The following KCTD2 variants were observed in gnomAD, a reference collection of about 807,000 sequenced individuals.
The protein encoded by KCTD2 is BTB/POZ domain-containing protein KCTD2.
Under a neutral mutation model 27.9 loss-of-function variants are expected in KCTD2, and 18 were observed. The observed-to-expected ratio is 0.64, with a 90% CI of 0.45 to 0.96. The LOEUF (loss-of-function observed/expected upper bound fraction) is 0.96, where lower values mean the gene tolerates loss of function less well. Ranked by LOEUF, KCTD2 falls within the 40% of genes least tolerant of loss-of-function variation. KCTD2 has a pLI of 0.00. For synonymous variants in KCTD2, 175 were observed against 148.4 expected (o/e 1.18, Z -1.30); for missense variants, 280 against 348.0 (o/e 0.80, Z 1.56).
chr17:75,062,741 C>T (rs1279663992), intron 5 of KCTD2, among the ~76,000 whole-genome samples: 5 of 149,948 alleles, frequency 3.3e-5, no homozygotes, highest in African/African-American at 1.0e-4. Context: ...CACACACACA[C>T]ACAGCTTCTA....
chr17:75,034,146 A>T (rs1407679015), intron 2 of KCTD2: 1 of 152,220 alleles, frequency 6.6e-6, no homozygotes, highest in Non-Finnish European at 1.5e-5. Flanking sequence ...AAGCCCTTGA[A>T]TGAACAGCTT....
chr17:75,062,192 G>T lies in KCTD2; in HGVS notation c.709G>T (p.Glu237Ter). Residue 237 changes from glutamate to a stop codon, truncating the protein, a stop_gained, in exon 5 of 6, where the codon GAA becomes TAA. Coordinates refer to ENST00000322444, the MANE Select transcript of KCTD2 (RefSeq NM_015353.3). LOFTEE classifies it high-confidence loss of function. ...AGAATTCCTCTGTGTTGTCTCCAGA[G>T]AACTAAATAATTCTACCAATGGCAT... ...QAEFLCVVSR[E>*]LNNSTNGIVI... The T allele has an allele frequency of 6.2e-7, 1 of 1,613,996 alleles. No individual in the cohort carries two copies. Among genetic ancestry groups the T allele is most frequent in the Non-Finnish European group, 8.5e-7 (1 of 1,179,952 alleles).
At chr17:75,053,858 CTTTTTTTTTTTT>C (rs71159419) in intron 3 of KCTD2, among the ~76,000 whole-genome samples, 5 of 59,330 alleles carry the variant, frequency 8.4e-5, no homozygotes, top group East Asian at 9.4e-4. Flanking sequence ...GTGAACCATG[CTTTTTTTTTTTT>C]TTTTTTTTTT....
intron 3 of KCTD2, among the ~76,000 whole-genome samples, chr17:75,035,689 T>C (rs896953761): frequency 6.6e-6 from 1 of 151,934 alleles, no homozygotes; most frequent in Non-Finnish European, 1.5e-5. Flanking sequence ...AGCCGGCCAA[T>C]CGTGGTGGCA....
intron 3 of KCTD2, among the ~76,000 whole-genome samples, chr17:75,058,345 A>T (rs1567993805): frequency 1.3e-5 from 2 of 150,518 alleles, no homozygotes; most frequent in South Asian, 4.2e-4. Context: ...AAGGAAAAAA[A>T]AATAAAAAAT....
chr17:75,041,926 C>T, intron 3 of KCTD2: 1 of 353,454 alleles, frequency 2.8e-6, no homozygotes, highest in Non-Finnish European at 5.1e-6. Flanking sequence ...AGAAACAGAG[C>T]AGGTCAAAAC....
intron 3 of KCTD2, 109 bp downstream of exon 3, chr17:75,053,214 ACAC>A: frequency 1.2e-6 from 1 of 845,152 alleles, no homozygotes; most frequent in Non-Finnish European, 2.0e-6. Flanking sequence ...TGTGTGTGGA[ACAC>A]CGTTTGCAGT....
At chr17:75,058,137 A>G (rs1265585295) in intron 3 of KCTD2, among the ~76,000 whole-genome samples, 2 of 151,764 alleles carry the variant, frequency 1.3e-5, no homozygotes, top group Non-Finnish European at 2.9e-5. Flanking sequence ...CAGCCTGGCC[A>G]ACATGGTGAG....
At chr17:75,049,023 A>G in intron 1 of KCTD2, 197 bp from the exon 2 acceptor site, 1 of 484,772 alleles carries the variant, frequency 2.1e-6, no homozygotes, top group Non-Finnish European at 3.7e-6. Flanking sequence ...TTAATGTACA[A>G]GATACATAAA....
chr17:75,035,089 C>T (rs1409839137), intron 2 of KCTD2: 1 of 152,094 alleles, frequency 6.6e-6, no homozygotes, highest in Non-Finnish European at 1.5e-5. Context: ...AAATTGGCCT[C>T]TCTAGGAGGT....
In KCTD2 at chr17:75,061,969, C is replaced by G. The variant is rs2073407948; in HGVS notation, c.637-151C>G. 6 of 785,640 alleles carry G rather than the reference C, an allele frequency of 7.6e-6. No homozygotes were observed. In the South Asian group the frequency reaches 9.9e-5, roughly 13 times the overall value. 48.7% of individuals were successfully genotyped at this position (785,640 alleles called of 1,614,324 possible). ...TGATGAAGAACAGGCCCATTTCTCCCCGGGGGCTTTGGTAGTCACAGAGAA... is the reference window on the plus strand; with the variant it reads ...TGATGAAGAACAGGCCCATTTCTCCGCGGGGGCTTTGGTAGTCACAGAGAA... On this transcript the variant is annotated intron_variant, in intron 4 of 5. Transcript: ENST00000322444.
intron 1 of KCTD2, among the ~76,000 whole-genome samples, chr17:75,048,394 T>C (rs1300438567): frequency 1.3e-5 from 2 of 152,116 alleles, no homozygotes; most frequent in Non-Finnish European, 2.9e-5. Flanking sequence ...ACTCACACCA[T>C]CTTATATCCC....
chr17:75,046,455 C>T (rs2073217595), upstream of KCTD2, among the ~76,000 whole-genome samples: 1 of 152,204 alleles, frequency 6.6e-6, no homozygotes, highest in African/African-American at 2.4e-5. Flanking sequence ...ATAGGAGGTG[C>T]TCAATGAATC....
chr17:75,047,071 T>C, upstream of KCTD2: 3 of 271,680 alleles, frequency 1.1e-5, no homozygotes, highest in East Asian at 6.2e-5. Flanking sequence ...GTTCCGGAAG[T>C]ATCTTCCCGG....
intron 5 of KCTD2, among the ~76,000 whole-genome samples, chr17:75,062,680 G>T (rs973527858): frequency 9.3e-6 from 1 of 107,680 alleles, no homozygotes; most frequent in Non-Finnish European, 2.0e-5. Context: ...TCCCTCCACT[G>T]TGCACCCCCC....
chr17:75,058,528 G>T (rs975581057), intron 3 of KCTD2, among the ~76,000 whole-genome samples: 1 of 148,932 alleles, frequency 6.7e-6, no homozygotes, highest in Non-Finnish European at 1.5e-5. Context: ...GGCTGGGTGC[G>T]GTGGCTCATG....
chr17:75,061,556 G>T (rs1288106891), intron 4 of KCTD2, among the ~76,000 whole-genome samples: 1 of 152,132 alleles, frequency 6.6e-6, no homozygotes, highest in Non-Finnish European at 1.5e-5. Flanking sequence ...AGGCTGACGT[G>T]GGAGGATCAC....
intron 3 of KCTD2, chr17:75,039,058 C>A: frequency 6.2e-7 from 1 of 1,613,966 alleles, no homozygotes; most frequent in Non-Finnish European, 8.5e-7. Context: ...TCTTCATCTT[C>A]TCCATCTGGA....
intron 2 of KCTD2, among the ~76,000 whole-genome samples, chr17:75,049,587 G>A (rs936255351): frequency 3.3e-5 from 5 of 152,154 alleles, no homozygotes; most frequent in Admixed American, 1.3e-4. Flanking sequence ...AGTTCTTTCC[G>A]AATCTCCAGA....
Sources: allele counts gnomAD v4.1 joint callset (sites outside exome capture counted in the v4.1 genomes callset), GRCh38; gene constraint gnomAD v4.1.1; transcripts MANE v1.5; gene names NCBI Gene and HGNC (gene_info 2026-07-23, HGNC 2026-07-21).